The following PARD3B variants were observed in gnomAD, a reference collection of about 807,000 sequenced individuals.
The protein encoded by PARD3B is par-3 family cell polarity regulator beta.
PARD3B carries 103 observed loss-of-function variants against 130.2 expected under a neutral mutation model. The ratio of observed to expected loss-of-function variants is 0.79; its 90% CI spans 0.67 to 0.93. PARD3B has a LOEUF of 0.93. Among genes scored for constraint, PARD3B ranks in the 40% least tolerant of loss-of-function variants. The pLI, the probability that PARD3B is intolerant of heterozygous loss-of-function variation, is 0.00. For missense variants in PARD3B, 1,609 were observed against 1,499.2 expected (o/e 1.07, Z -1.21); for synonymous variants, 583 against 553.2 (o/e 1.05, Z -0.76).
At chr2:204,951,403 A>T (rs1366311615) in intron 2 of PARD3B, among the ~76,000 whole-genome samples, 4 of 152,168 alleles carry the variant, frequency 2.6e-5, no homozygotes, top group African/African-American at 9.7e-5. Context: ...ACTGAACAGT[A>T]CCTAAAATCG....
chr2:204,760,529 G>A (rs142903856), intron 2 of PARD3B, among the ~76,000 whole-genome samples: 60 of 152,098 alleles, frequency 3.9e-4, no homozygotes, highest in African/African-American at 1.3e-3. Flanking sequence ...GGCTCCTGTA[G>A]TTTTTCTTTT....
At chr2:204,632,321 C>G (rs2034707424) in intron 1 of PARD3B, among the ~76,000 whole-genome samples, 1 of 152,078 alleles carries the variant, frequency 6.6e-6, no homozygotes, top group African/African-American at 2.4e-5. Context: ...TATAAATTAC[C>G]CAGTCTCAGG....
rs541625956 is a variant in PARD3B, at chr2:205,118,751, G to T, written c.681-170G>T. Reference sequence around the variant, plus strand: ...AGAAGGGCTTTTTCTCTTGTAGTCAGTTTTGGCTTTTTTTGGATTAGGGAT... The same window carrying T: ...AGAAGGGCTTTTTCTCTTGTAGTCATTTTTGGCTTTTTTTGGATTAGGGAT... On this transcript the variant is annotated intron_variant, in intron 6 of 22. Transcript: ENST00000406610. 5.8e-4 allele frequency among the ~76,000 whole-genome samples: 88 copies of T among 152,164 alleles called. 1 individual carries two copies. The highest frequency in any genetic ancestry group is 1.0e-3 in the Non-Finnish European group (69 of 68,036).
chr2:204,567,621 G>A (rs1272989433), intron 1 of PARD3B, among the ~76,000 whole-genome samples: 1 of 152,132 alleles, frequency 6.6e-6, no homozygotes, highest in Non-Finnish European at 1.5e-5. Flanking sequence ...TCCATTGATG[G>A]ATGCTTGGTT....
At chr2:205,424,313 G>A (rs2047071346) in intron 19 of PARD3B, among the ~76,000 whole-genome samples, 1 of 152,076 alleles carries the variant, frequency 6.6e-6, no homozygotes, top group African/African-American at 2.4e-5. Context: ...GTATAGTCAT[G>A]GTTCTATACT....
intron 18 of PARD3B, among the ~76,000 whole-genome samples, chr2:205,381,901 C>G (rs2045463341): frequency 6.6e-6 from 1 of 151,998 alleles, no homozygotes; most frequent in South Asian, 2.1e-4. Context: ...TTTAACCTTT[C>G]CTAATCATTT....
chr2:205,080,119 G>A (rs1701313626), intron 4 of PARD3B, among the ~76,000 whole-genome samples: 1 of 152,092 alleles, frequency 6.6e-6, no homozygotes, highest in South Asian at 2.1e-4. Flanking sequence ...CTCCTATTTT[G>A]TTTCAGTCCC....
intron 1 of PARD3B, among the ~76,000 whole-genome samples, chr2:204,562,842 T>A (rs1464304879): frequency 6.6e-6 from 1 of 151,426 alleles, no homozygotes. Context: ...TTTTTTTTTT[T>A]CGTTGCTGTA....
intron 15 of PARD3B, among the ~76,000 whole-genome samples, chr2:205,221,073 T>C (rs1333570905): frequency 1.3e-5 from 2 of 152,114 alleles, no homozygotes; most frequent in African/African-American, 4.8e-5. Flanking sequence ...TTTGGTTTGG[T>C]TTTAGTTTTT....
chr2:204,603,535 A>T (rs1242191345), intron 1 of PARD3B, among the ~76,000 whole-genome samples: 1 of 152,140 alleles, frequency 6.6e-6, no homozygotes, highest in Non-Finnish European at 1.5e-5. Context: ...CATTGAAAAC[A>T]TTCTACTTTA....
intron 4 of PARD3B, among the ~76,000 whole-genome samples, chr2:205,071,009 A>G (rs866989434): frequency 6.6e-6 from 1 of 151,990 alleles, no homozygotes; most frequent in African/African-American, 2.4e-5. Flanking sequence ...AAAAAAAAAA[A>G]CCACTTAATT....
chr2:205,180,995 G>C (rs1037193450), intron 13 of PARD3B, among the ~76,000 whole-genome samples: 1 of 152,168 alleles, frequency 6.6e-6, no homozygotes, highest in Non-Finnish European at 1.5e-5. Flanking sequence ...GCCTCATGCA[G>C]TTTGCCTCTG....
chr2:204,942,646 T>C (rs1304335783), intron 2 of PARD3B, among the ~76,000 whole-genome samples: 1 of 152,132 alleles, frequency 6.6e-6, no homozygotes, highest in East Asian at 1.9e-4. Context: ...GACAAGTAGT[T>C]ATACAAACAC....
chr2:204,883,451 A>ATTTTTT (rs1449201858), intron 2 of PARD3B, among the ~76,000 whole-genome samples: 2 of 106,454 alleles, frequency 1.9e-5, no homozygotes, highest in African/African-American at 5.1e-5. Context: ...ATATATATAT[A>ATTTTTT]TATATTTTTT....
At chr2:204,555,977 T>A (rs963435284) in intron 1 of PARD3B, among the ~76,000 whole-genome samples, 10 of 152,160 alleles carry the variant, frequency 6.6e-5, no homozygotes, top group African/African-American at 2.4e-4. Context: ...TACCACTTAT[T>A]TTAACTGTAT....
chr2:205,213,378 G>A (rs1160353801), intron 15 of PARD3B, among the ~76,000 whole-genome samples: 1 of 151,958 alleles, frequency 6.6e-6, no homozygotes, highest in South Asian at 2.1e-4. Context: ...TTCCAATCAG[G>A]TTATAAGCTT....
At chr2:204,849,813 G>T (rs2044635230) in intron 2 of PARD3B, among the ~76,000 whole-genome samples, 1 of 151,494 alleles carries the variant, frequency 6.6e-6, no homozygotes, top group Non-Finnish European at 1.5e-5. Flanking sequence ...TTTTTTTGCA[G>T]CTGGCCTAGG....
intron 19 of PARD3B, among the ~76,000 whole-genome samples, chr2:205,415,349 C>G (rs2046738749): frequency 6.6e-6 from 1 of 152,046 alleles, no homozygotes; most frequent in Non-Finnish European, 1.5e-5. Context: ...AAAGGATGGA[C>G]AGAGAAGTAA....
intron 21 of PARD3B, among the ~76,000 whole-genome samples, chr2:205,516,061 C>G (rs952544454): frequency 6.6e-6 from 1 of 152,142 alleles, no homozygotes; most frequent in Non-Finnish European, 1.5e-5. Flanking sequence ...AGTCTTTTCT[C>G]CATTGCTCGT....
Sources: allele counts gnomAD v4.1 joint callset (sites outside exome capture counted in the v4.1 genomes callset), GRCh38; gene constraint gnomAD v4.1.1; transcripts MANE v1.5; gene names NCBI Gene and HGNC (gene_info 2026-07-23, HGNC 2026-07-21).